NAA25: variants seen among roughly 807,000 people sequenced by gnomAD.
NAA25 encodes N-alpha-acetyltransferase 25, NatB auxiliary subunit.
Under a neutral mutation model 132.5 loss-of-function variants are expected in NAA25, and 30 were observed. The observed-to-expected ratio is 0.23, with a 90% CI of 0.17 to 0.31. The LOEUF (loss-of-function observed/expected upper bound fraction) is 0.31, where lower values mean the gene tolerates loss of function less well. NAA25 is among the 10% of genes least tolerant of loss of function. The pLI, the probability that NAA25 is intolerant of heterozygous loss-of-function variation, is 1.00. For missense variants in NAA25, 771 were observed against 1,150.4 expected (o/e 0.67, Z 4.77); for synonymous variants, 359 against 401.9 (o/e 0.89, Z 1.28).
intron 9 of NAA25, among the ~76,000 whole-genome samples, chr12:112,072,271 T>A (rs955025112): frequency 6.6e-6 from 1 of 152,176 alleles, no homozygotes; most frequent in Non-Finnish European, 1.5e-5. Context: ...TACTGCAGCA[T>A]AACTTACCTT....
At chr12:112,053,743 T>G (rs2078502230) in intron 14 of NAA25, 86 bp from the exon 15 acceptor site, 2 of 899,430 alleles carry the variant, frequency 2.2e-6, no homozygotes, top group Non-Finnish European at 3.4e-6. Context: ...TTCAAATTAC[T>G]TGGCAAAAAA....
intron 20 of NAA25, among the ~76,000 whole-genome samples, chr12:112,041,041 C>T (rs1357159202): frequency 1.3e-5 from 2 of 151,950 alleles, no homozygotes; most frequent in Non-Finnish European, 2.9e-5. Context: ...CCGAGCCACG[C>T]TTGGTGGTGC....
chr12:112,093,657 AT>A (rs2079170394), intron 1 of NAA25, among the ~76,000 whole-genome samples: 1 of 152,222 alleles, frequency 6.6e-6, no homozygotes, highest in South Asian at 2.1e-4. Flanking sequence ...AGGTGGGTGA[AT>A]CACTTGAGCC....
At chr12:112,063,433 G>A (rs7959011) in intron 11 of NAA25, among the ~76,000 whole-genome samples, 21,343 of 152,218 alleles carry the variant, frequency 0.14, 1,854 homozygotes, top group African/African-American at 0.24. Flanking sequence ...GACAGAGTCA[G>A]AGACAGCAGT....
In NAA25 at chr12:112,054,527, C is replaced by T; in HGVS notation, c.1489G>A (p.Glu497Lys). ...TTGGAAGGGCTATGGGTTAATCCCT[C>T]TTCCAGCAAAGTCAGGGCCTGCCAC... ...TVWQALTLLE[E>K]GLTHSPSNAQ... Residue 497 changes from glutamate to lysine, a missense_variant, in exon 14 of 24, where the codon GAG becomes AAG. Glu to Lys is a moderately conservative substitution (Grantham distance 56). Around this residue, in one of 3 missense-constraint regions of NAA25, gnomAD observed 417 missense variants for 733.8 expected, o/e 0.57. Transcript: ENST00000261745. The T allele has an allele frequency of 1.2e-6, 2 of 1,614,102 alleles. No individual in the cohort carries two copies. The highest frequency in any genetic ancestry group is 4.5e-5 in the East Asian group (2 of 44,874).
At position 112,040,469 on chromosome 12, in the gene NAA25, A is replaced by G. The variant is rs777818743; in HGVS notation, c.2538+12T>C. The G allele has an allele frequency of 6.6e-7, 1 of 1,505,856 alleles. No homozygotes were observed. Among genetic ancestry groups the G allele is most frequent in the Non-Finnish European group, 9.2e-7 (1 of 1,088,358 alleles). The allele number at this position is 1,505,856 out of a possible 1,614,324, so 93.3% of individuals were successfully genotyped here. On this transcript the variant is annotated intron_variant, in intron 21 of 23. Transcript: ENST00000261745. ...AACAACAATGTCTTTTAGGAAGAGAACAAAAACTTACCTCAACAAAGAAAA... is the reference window on the plus strand; with the variant it reads ...AACAACAATGTCTTTTAGGAAGAGAGCAAAAACTTACCTCAACAAAGAAAA...
chr12:112,105,862 T>C (rs757046055), intron 1 of NAA25, among the ~76,000 whole-genome samples: 4 of 152,198 alleles, frequency 2.6e-5, no homozygotes, highest in Non-Finnish European at 4.4e-5. Context: ...ACAATAATCT[T>C]ACCTACCTAA....
At chr12:112,101,559 C>A (rs901450020) in intron 1 of NAA25, among the ~76,000 whole-genome samples, 1 of 152,024 alleles carries the variant, frequency 6.6e-6, no homozygotes. Context: ...GAGTTCAAGA[C>A]CTGCCTGACC....
At chr12:112,078,322 C>T in intron 6 of NAA25, 56 bp from the exon 7 acceptor site, 1 of 1,284,038 alleles carries the variant, frequency 7.8e-7, no homozygotes, top group African/African-American at 1.5e-5. Context: ...AATAAAAAGA[C>T]AGTCATTTAT....
At chr12:112,103,379 C>T (rs769614275) in intron 1 of NAA25, among the ~76,000 whole-genome samples, 1 of 152,202 alleles carries the variant, frequency 6.6e-6, no homozygotes, top group Non-Finnish European at 1.5e-5. Flanking sequence ...GGGCAAAAGA[C>T]CAACAGGGAC....
At position 112,029,610 on chromosome 12, in the gene NAA25, C is replaced by A. The variant is rs2078123682; in HGVS notation, c.2840G>T (p.Ser947Ile). 1 of 1,613,800 alleles carries A rather than the reference C, an allele frequency of 6.2e-7. No individual in the cohort carries two copies. The highest frequency in any genetic ancestry group is 1.3e-5 in the African/African-American group (1 of 74,882). ...FSKTVQGKVQSSYLHSLLEMG... is the reference protein window; with the variant it reads ...FSKTVQGKVQISYLHSLLEMG... Reference sequence around the variant, plus strand: ...TTCCAGAAGTGAGTGCAGATAACTGCTCTGCACCTTCCCTTGCACAGTCTT... The same window carrying A: ...TTCCAGAAGTGAGTGCAGATAACTGATCTGCACCTTCCCTTGCACAGTCTT... Residue 947 changes from serine (S) to isoleucine (I), a missense_variant, in exon 24 of 24, where the codon AGC (serine) becomes ATC (isoleucine). Physicochemically the swap from Ser to Ile is moderately radical, Grantham distance 142 (BLOSUM62 -2). Transcript: ENST00000261745.
At chr12:112,089,411 T>C (rs2079100205) in intron 3 of NAA25, among the ~76,000 whole-genome samples, 1 of 152,166 alleles carries the variant, frequency 6.6e-6, no homozygotes, top group South Asian at 2.1e-4. Flanking sequence ...AAGCTAAACA[T>C]ACACTTACCC....
Position 112,030,390 on chromosome 12 carries a change from A to T in NAA25, c.2797-737T>A, listed in dbSNP as rs373047125. Among the ~76,000 whole-genome samples, 3 of 152,272 alleles carry T rather than the reference A, an allele frequency of 2.0e-5. No homozygotes were observed. In the East Asian group the frequency reaches 5.8e-4, roughly 29 times the overall value. On this transcript the variant is annotated intron_variant, in intron 23 of 23. Transcript: ENST00000261745. ...CTGATTGTTTTCATCAGAAAAAAGTAGAAATTTATTACTAATTTGTACATC... is the reference window on the plus strand; with the variant it reads ...CTGATTGTTTTCATCAGAAAAAAGTTGAAATTTATTACTAATTTGTACATC...
chr12:112,105,435 G>A (rs1784036067), intron 1 of NAA25, among the ~76,000 whole-genome samples: 2 of 152,224 alleles, frequency 1.3e-5, no homozygotes, highest in South Asian at 4.1e-4. Flanking sequence ...ATGGGTTCCA[G>A]TAAGGTCATG....
chr12:112,048,110 T>A (rs1158011600), intron 16 of NAA25, among the ~76,000 whole-genome samples, 182 bp downstream of exon 16: 1 of 152,160 alleles, frequency 6.6e-6, no homozygotes, highest in African/African-American at 2.4e-5. Flanking sequence ...GGTCTCAAGA[T>A]GTTGCTGGCA....
At chr12:112,050,047 T>TAA (rs75376629) in intron 15 of NAA25, among the ~76,000 whole-genome samples, 1 of 128,888 alleles carries the variant, frequency 7.8e-6, no homozygotes, top group Non-Finnish European at 1.7e-5. Context: ...CCACTTTATT[T>TAA]AAAAAAAAAA....
chr12:112,072,490 T>C (rs2136888297), intron 9 of NAA25, among the ~76,000 whole-genome samples: 1 of 151,350 alleles, frequency 6.6e-6, no homozygotes, highest in Non-Finnish European at 1.5e-5. Flanking sequence ...GCACCTGTAG[T>C]CCCAGCTACT....
intron 23 of NAA25, 134 bp downstream of exon 23, chr12:112,033,099 C>T: frequency 9.3e-7 from 1 of 1,076,888 alleles, no homozygotes; most frequent in South Asian, 2.3e-5. Flanking sequence ...CTGCCAAGCA[C>T]CTTCTAGTCA....
intron 7 of NAA25, 128 bp downstream of exon 7, chr12:112,078,060 G>T: frequency 1.5e-6 from 1 of 651,022 alleles, no homozygotes; most frequent in Non-Finnish European, 2.6e-6. Context: ...GAAAAGTCTG[G>T]AAGAATATAA....
Sources: allele counts gnomAD v4.1 joint callset (sites outside exome capture counted in the v4.1 genomes callset), GRCh38; gene constraint gnomAD v4.1.1; regional missense constraint gnomAD v4.1.1; transcripts MANE v1.5; gene names NCBI Gene and HGNC (gene_info 2026-07-23, HGNC 2026-07-21).